The following CSNK1E variants were observed in gnomAD, a reference collection of about 807,000 sequenced individuals.
The protein encoded by CSNK1E is casein kinase I isoform epsilon.
Under a neutral mutation model 46.1 loss-of-function variants are expected in CSNK1E, and 17 were observed. The ratio of observed to expected loss-of-function variants is 0.37; its 90% CI spans 0.25 to 0.55. CSNK1E has a LOEUF of 0.55. Among genes scored for constraint, CSNK1E ranks in the 20% least tolerant of loss-of-function variants. CSNK1E has a pLI of 0.82. For synonymous variants in CSNK1E, 241 were observed against 242.6 expected, an observed-to-expected ratio of 0.99 and a Z score of 0.06; for missense variants, 386 against 595.4, an observed-to-expected ratio of 0.65 and a Z score of 3.66.
Position 38,292,937 on chromosome 22 carries a change from C to A in CSNK1E, c.*32+318G>T, listed in dbSNP as rs1435723563. The stretch of plus-strand genomic sequence containing the variant: ...GAGAGGTCAGAGTGTGAGCCCATGG[C>A]CCCGTCTCTGCTGGGAACCAACCTT... On this transcript the variant is annotated intron_variant, in intron 10 of 10. Transcript: ENST00000396832. 10 of 380,460 alleles carry A rather than the reference C, an allele frequency of 2.6e-5. No individual in the cohort carries two copies. The Admixed American group carries it at 3.7e-4, about 14-fold the overall frequency. The allele number at this position is 380,460 out of a possible 1,614,324, so 23.6% of individuals were successfully genotyped here.
intron 7 of CSNK1E, chr22:38,296,950 T>G: frequency 1.6e-6 from 1 of 607,712 alleles, no homozygotes; most frequent in Non-Finnish European, 2.9e-6. Flanking sequence ...AATTTTTGTG[T>G]TTTTAGTAGA....
chr22:38,303,158 T>C lies in CSNK1E; in HGVS notation c.167A>G (p.Tyr56Cys). The C allele has an allele frequency of 6.2e-7, 1 of 1,609,806 alleles. No homozygotes were observed. Among genetic ancestry groups the C allele is most frequent in the Non-Finnish European group, 8.5e-7 (1 of 1,178,796 alleles). ...HPQLHIESKF[Y>C]KMMQGGVGIP... ...CTCACCGCCACCCTGCATCATCTTG[T>C]AGAACTTGCTCTCGATGTGCAGCTG... is the stretch of plus-strand genomic sequence containing the variant. The change falls in exon 3 of 11, where the codon TAC becomes TGC. Residue 56 changes from tyrosine to cysteine, a missense_variant. Around this residue, in one of 2 missense-constraint regions of CSNK1E, gnomAD observed 212 missense variants for 410.2 expected, o/e 0.52. Coordinates refer to ENST00000396832, the MANE Select transcript of CSNK1E (RefSeq NM_152221.3). The surrounding 1 kb of genome is among the most constrained non-coding windows in gnomAD (Gnocchi z 4.7).
In CSNK1E at chr22:38,300,666, G is replaced by A. The variant is rs1455522961; in HGVS notation, c.565+58C>T. The stretch of plus-strand genomic sequence containing the variant: ...GGGTAGGGGGTGAGAGGGCTCCAGA[G>A]AGCTGGGCCCCAGCCAGTGGCCCCG... On this transcript the variant is annotated intron_variant, in intron 5 of 10. Transcript: ENST00000396832. The surrounding 1 kb of genome is among the most constrained non-coding windows in gnomAD (Gnocchi z 4.4). 6 of 1,535,534 alleles carry A rather than the reference G, an allele frequency of 3.9e-6. No homozygotes were observed. In the African/African-American group the frequency reaches 6.8e-5, roughly 17 times the overall value.
chr22:38,301,464 G>C (rs1033849367), intron 4 of CSNK1E, among the ~76,000 whole-genome samples: 6 of 151,394 alleles, frequency 4.0e-5, no homozygotes, highest in African/African-American at 1.5e-4. Flanking sequence ...ATGGAGTCTC[G>C]GTCTGTTGCC....
intron 1 of CSNK1E, chr22:38,316,905 G>A (rs1449842988): frequency 2.0e-5 from 3 of 151,970 alleles, no homozygotes; most frequent in Admixed American, 6.5e-5. Context: ...GGGGGGAAGC[G>A]GAGGCAGGCC....
chr22:38,296,401 AC>A, intron 7 of CSNK1E: 2 of 1,414,186 alleles, frequency 1.4e-6, no homozygotes, highest in Non-Finnish European at 1.8e-6. Context: ...AGATCCCAGC[AC>A]CCCGGTGCAG....
At chr22:38,299,044 G>A in intron 6 of CSNK1E, 110 bp from the exon 7 acceptor site, 1 of 1,268,514 alleles carries the variant, frequency 7.9e-7, no homozygotes. Flanking sequence ...CTTCCAATCT[G>A]TGAGAGGCAA....
intron 10 of CSNK1E, chr22:38,292,964 C>CA (rs2092619153): frequency 4.6e-6 from 2 of 436,322 alleles, no homozygotes; most frequent in Non-Finnish European, 8.4e-6. Flanking sequence ...ACCAACCTTC[C>CA]AAAATATGTT....
intron 2 of CSNK1E, among the ~76,000 whole-genome samples, chr22:38,312,300 A>C (rs560157917): frequency 2.6e-4 from 40 of 152,242 alleles, no homozygotes; most frequent in African/African-American, 9.4e-4. Context: ...CATGTTGCCC[A>C]AGTTGGTTTC....
At chr22:38,313,701 TC>T (rs1364886574) in intron 2 of CSNK1E, among the ~76,000 whole-genome samples, 2 of 151,602 alleles carry the variant, frequency 1.3e-5, no homozygotes, top group African/African-American at 4.9e-5. Flanking sequence ...TGGCTAGGGG[TC>T]CAGCAGCAAC....
chr22:38,294,514 C>T lies in CSNK1E; in HGVS notation c.906G>A (p.Glu302=). ...GTTCTCGCCGCTCCCGGTCCACATC[C>T]TCGGGATTCCGGGCTGCACCCTGCA... ...MLKFGAARNP[E]DVDRERREHE... The change falls in exon 8 of 11, where the codon GAG becomes GAA. Residue 302 remains glutamate, a synonymous_variant. Transcript: ENST00000396832. The surrounding 1 kb of genome is among the most constrained non-coding windows in gnomAD (Gnocchi z 5.5). 1 of 1,594,816 alleles carries T rather than the reference C, an allele frequency of 6.3e-7. No individual in the cohort carries two copies. Among genetic ancestry groups the T allele is most frequent in the Non-Finnish European group, 8.5e-7 (1 of 1,171,784 alleles).
Position 38,303,453 on chromosome 22 carries a change from C to G in CSNK1E, c.77-205G>C, listed in dbSNP as rs549552326. 6.6e-6 allele frequency among the ~76,000 whole-genome samples: 1 copy of G among 152,206 alleles called. No homozygotes were observed. The highest frequency in any genetic ancestry group is 1.5e-5 in the Non-Finnish European group (1 of 68,036). ...GAAAGAAGGTCAGCGCTGTGAGGGA[C>G]AGAGGTGACACACAAGGGCTACCCA... On this transcript the variant is annotated intron_variant, in intron 2 of 10. Transcript: ENST00000396832. This position sits in a 1 kb window ranked among gnomAD's most constrained non-coding sequence, Gnocchi z 4.7.
intron 1 of CSNK1E, 74 bp from the exon 2 acceptor site, chr22:38,314,243 G>T: frequency 8.4e-7 from 1 of 1,192,536 alleles, no homozygotes; most frequent in Non-Finnish European, 1.2e-6. Context: ...CCAAGGCCAG[G>T]CAGAGCCACC....
At chr22:38,304,840 GA>G (rs1569080094) in intron 2 of CSNK1E, among the ~76,000 whole-genome samples, 1 of 152,138 alleles carries the variant, frequency 6.6e-6, no homozygotes, top group Non-Finnish European at 1.5e-5. Flanking sequence ...CATTCTACCC[GA>G]GGCCAGGCAC....
chr22:38,293,351 GGA>G, intron 9 of CSNK1E, 32 bp from the exon 10 acceptor site: 3 of 1,342,918 alleles, frequency 2.2e-6, no homozygotes, highest in Non-Finnish European at 1.1e-6. Flanking sequence ...AGAGGGGGAG[GGA>G]GAGAGAGGGA....
chr22:38,297,155 T>C (rs1200809113), intron 7 of CSNK1E: 4 of 778,934 alleles, frequency 5.1e-6, no homozygotes, highest in Middle Eastern at 2.3e-4. Flanking sequence ...ACAGTGTCCG[T>C]CTAGAGAATA....
At position 38,291,021 on chromosome 22, in the gene CSNK1E, G is replaced by A. The variant is rs2092606270; in HGVS notation, c.*950C>T. ...CTGACTCCAGGCTCCTCCTCAGAAA[G>A]GTGGAACCAGGGAGAGGGGGGACCC... On this transcript the variant is annotated 3_prime_UTR_variant, in exon 11 of 11. Transcript: ENST00000396832. The A allele has an allele frequency of 6.6e-6, 1 of 152,344 alleles. No homozygotes were observed. The highest frequency in any genetic ancestry group is 1.5e-5 in the Non-Finnish European group (1 of 68,046). The allele number at this position is 152,344 out of a possible 1,614,324, so 9.4% of individuals were successfully genotyped here. A position where few individuals can be genotyped will look rare whatever the true frequency, so the allele number is the denominator to read the frequency against.
chr22:38,316,650 C>T (rs1294653514), intron 1 of CSNK1E: 3 of 152,246 alleles, frequency 2.0e-5, no homozygotes, highest in Admixed American at 2.0e-4. Context: ...GCCTGGTGAC[C>T]ACACACCTCT....
In CSNK1E at chr22:38,290,711, T is replaced by C. The variant is rs2145821354; in HGVS notation, c.*1260A>G. The C allele has an allele frequency of 6.6e-6, 1 of 152,580 alleles. No homozygotes were observed. Among genetic ancestry groups the C allele is most frequent in the Admixed American group, 6.5e-5 (1 of 15,294 alleles). The allele number at this position is 152,580 out of a possible 1,614,324, so 9.5% of individuals were successfully genotyped here. A position where few individuals can be genotyped will look rare whatever the true frequency, so the allele number is the denominator to read the frequency against. ...CTGCATCACTTTATCTTTTCTACTT[T>C]ATTACTTCAAATTAACAACCACGAT... is the stretch of plus-strand genomic sequence containing the variant. On this transcript the variant is annotated 3_prime_UTR_variant, in exon 11 of 11. Coordinates refer to ENST00000396832, the MANE Select transcript of CSNK1E (RefSeq NM_152221.3).
Sources: allele counts gnomAD v4.1 joint callset (sites outside exome capture counted in the v4.1 genomes callset), GRCh38; gene constraint gnomAD v4.1.1; regional missense constraint gnomAD v4.1.1; non-coding constraint Gnocchi (gnomAD v3.1); transcripts MANE v1.5; gene names NCBI Gene and HGNC (gene_info 2026-07-23, HGNC 2026-07-21).